Variants in C1orf94 observed in about 807,000 individuals in gnomAD.
C1orf94 encodes the protein uncharacterized protein C1orf94.
C1orf94 carries 45 observed loss-of-function variants against 53.6 expected under a neutral mutation model. That is an observed-to-expected ratio of 0.84 (90% CI 0.66 to 1.08). The LOEUF is 1.08. Ranked by LOEUF, C1orf94 falls within the 50% of genes least tolerant of loss-of-function variation. The probability of loss-of-function intolerance (pLI) is 0.00; values close to 1 mark genes in which losing one functional copy is unlikely to be tolerated. For synonymous variants in C1orf94, 304 were observed against 296.1 expected (o/e 1.03, Z -0.27); for missense variants, 762 against 738.9 (o/e 1.03, Z -0.36).
At chr1:34,183,763 G>A (rs1642344525) in intron 1 of C1orf94, among the ~76,000 whole-genome samples, 1 of 151,702 alleles carries the variant, frequency 6.6e-6, no homozygotes, top group Non-Finnish European at 1.5e-5. Context: ...GGCTGAGGCA[G>A]AAGAATTGAT....
rs1275508519 is a variant in C1orf94, at chr1:34,206,521, G to A, written c.1447-1636G>A. Among the ~76,000 whole-genome samples the A allele has an allele frequency of 3.9e-5, 6 of 152,322 alleles. No homozygotes were observed. The East Asian group carries it at 1.2e-3, about 29-fold the overall frequency. On this transcript the variant is annotated intron_variant, in intron 4 of 6. Transcript: ENST00000488417. ...TATGATGCCGTGCACACACACAATT[G>A]CACACAAACGATATCCATGCATGTT...
intron 1 of C1orf94, 150 bp downstream of exon 1, chr1:34,178,259 A>G (rs961111018): frequency 2.5e-5 from 22 of 894,682 alleles, no homozygotes; most frequent in Non-Finnish European, 3.3e-5. Context: ...CAAGCTTTAT[A>G]GAAGAGCTGA....
At chr1:34,170,200 G>A (rs1642124965) in intron 1 of C1orf94, among the ~76,000 whole-genome samples, 1 of 152,128 alleles carries the variant, frequency 6.6e-6, no homozygotes, top group Non-Finnish European at 1.5e-5. Flanking sequence ...TCATTCATTT[G>A]TTCATGCCAC....
upstream of C1orf94, among the ~76,000 whole-genome samples, chr1:34,176,526 C>G (rs1187644917): frequency 6.6e-6 from 1 of 152,132 alleles, no homozygotes; most frequent in Non-Finnish European, 1.5e-5. Flanking sequence ...AGGGCTAGAT[C>G]AGGCCTAGAG....
chr1:34,200,499 C>A (rs953312373), intron 2 of C1orf94, among the ~76,000 whole-genome samples: 3 of 151,550 alleles, frequency 2.0e-5, no homozygotes, highest in Non-Finnish European at 2.9e-5. Flanking sequence ...GATAAGTAGA[C>A]GGATAGAAGG....
At chr1:34,193,774 A>T (rs1192137260) in intron 1 of C1orf94, among the ~76,000 whole-genome samples, 1 of 152,256 alleles carries the variant, frequency 6.6e-6, no homozygotes, top group African/African-American at 2.4e-5. Context: ...TAGTAGGCTC[A>T]CGGCAAATGC....
chr1:34,177,932 C>T lies in C1orf94; in HGVS notation c.143C>T (p.Pro48Leu), dbSNP rs1322821593. Residue 48 changes from proline to leucine, a missense_variant, in exon 1 of 7, where the codon CCC becomes CTC. Physicochemically the swap from Pro to Leu is moderately conservative, Grantham distance 98 (BLOSUM62 -3). Transcript: ENST00000488417. ...AKGPCALGPF[P>L]RYIWIHQDTP... is the part of the protein sequence containing the mutation. ...GGCCCCTGCGCCCTGGGCCCATTCC[C>T]CAGATACATCTGGATCCACCAGGAC... 6.4e-7 allele frequency: 1 copy of T among 1,551,712 alleles called. No individual in the cohort carries two copies. Among genetic ancestry groups the T allele is most frequent in the East Asian group, 2.4e-5 (1 of 40,904 alleles).
intron 6 of C1orf94, among the ~76,000 whole-genome samples, chr1:34,216,549 G>A (rs1417705267): frequency 1.3e-5 from 2 of 152,216 alleles, no homozygotes; most frequent in African/African-American, 2.4e-5. Context: ...GTATGCATGG[G>A]CCTAAGCAGA....
chr1:34,191,107 G>GCCCTAATT (rs1057307755), intron 1 of C1orf94, among the ~76,000 whole-genome samples: 1 of 152,170 alleles, frequency 6.6e-6, no homozygotes, highest in Non-Finnish European at 1.5e-5. Context: ...AGGAAACTAA[G>GCCCTAATT]CCCTAATTCC....
intron 6 of C1orf94, among the ~76,000 whole-genome samples, chr1:34,217,277 C>T (rs565535762): frequency 9.9e-5 from 15 of 152,244 alleles, no homozygotes; most frequent in South Asian, 2.1e-4. Context: ...TAGATCATGC[C>T]GGTGGCCGTT....
At chr1:34,176,829 G>C (rs983298255), upstream of C1orf94, among the ~76,000 whole-genome samples, 2 of 152,166 alleles carry the variant, frequency 1.3e-5, no homozygotes, top group Non-Finnish European at 2.9e-5. Flanking sequence ...CTGATCCCCC[G>C]AAGCGCTCTG....
intron 1 of C1orf94, among the ~76,000 whole-genome samples, chr1:34,187,765 A>ACC (rs1557479575): frequency 8.9e-3 from 184 of 20,648 alleles, no homozygotes; most frequent in Middle Eastern, 0.033. Context: ...CACTGAATCC[A>ACC]CCCACCCCCC....
At chr1:34,181,665 T>C (rs1268143387) in intron 1 of C1orf94, among the ~76,000 whole-genome samples, 1 of 152,048 alleles carries the variant, frequency 6.6e-6, no homozygotes, top group East Asian at 1.9e-4. Flanking sequence ...CTTCAGAATG[T>C]GAAAAGAATG....
intron 1 of C1orf94, 33 bp downstream of exon 1, chr1:34,178,142 G>A: frequency 6.5e-7 from 1 of 1,532,892 alleles, no homozygotes; most frequent in South Asian, 1.2e-5. Flanking sequence ...GGCAGCAAGG[G>A]AGGAGGGAGG....
intron 4 of C1orf94, among the ~76,000 whole-genome samples, chr1:34,205,888 T>A (rs1416024311): frequency 6.6e-6 from 1 of 152,182 alleles, no homozygotes; most frequent in African/African-American, 2.4e-5. Flanking sequence ...AAAGGAACTC[T>A]GCTCCCAATG....
At chr1:34,172,015 C>T (rs1642152012), upstream of C1orf94, among the ~76,000 whole-genome samples, 3 of 152,304 alleles carry the variant, frequency 2.0e-5, 1 homozygote, top group South Asian at 6.2e-4. Flanking sequence ...ATCATCTCAG[C>T]AGTAAGGTAG....
intron 5 of C1orf94, among the ~76,000 whole-genome samples, chr1:34,208,989 G>T (rs1334637736): frequency 1.4e-4 from 21 of 152,122 alleles, no homozygotes; most frequent in Non-Finnish European, 4.4e-5. Flanking sequence ...TTGAATTTCA[G>T]ATAAACAAGG....
chr1:34,217,847 A>G lies in C1orf94; in HGVS notation c.1722-839A>G, dbSNP rs1406617730. 1.3e-5 allele frequency among the ~76,000 whole-genome samples: 2 copies of G among 152,250 alleles called. 1 individual carries two copies. The highest frequency in any genetic ancestry group is 1.3e-4 in the Admixed American group (2 of 15,288). On this transcript the variant is annotated intron_variant, in intron 6 of 6. Transcript: ENST00000488417. The stretch of plus-strand genomic sequence containing the variant: ...CTGAAAAGTGATTGAGAATCCCAGG[A>G]TTAGATTAAATCTAGCCATTTGCTC...
At chr1:34,174,843 A>G (rs543292184), upstream of C1orf94, among the ~76,000 whole-genome samples, 18 of 152,360 alleles carry the variant, frequency 1.2e-4, no homozygotes, top group South Asian at 3.7e-3. Flanking sequence ...ACATTGCCAG[A>G]AAACGTGAAC....
Sources: allele counts gnomAD v4.1 joint callset (sites outside exome capture counted in the v4.1 genomes callset), GRCh38; gene constraint gnomAD v4.1.1; transcripts MANE v1.5; gene names NCBI Gene and HGNC (gene_info 2026-07-23, HGNC 2026-07-21).